Variants in RBFOX2 observed in about 807,000 individuals in gnomAD.
RBFOX2 encodes the protein RNA binding fox-1 homolog 2, also known as RNA binding protein fox-1 homolog 2.
A neutral mutation model predicts 49.1 loss-of-function variants in RBFOX2; 10 were observed. The ratio of observed to expected loss-of-function variants is 0.20; its 90% CI spans 0.13 to 0.35. RBFOX2 has a LOEUF of 0.35. Among genes scored for constraint, RBFOX2 ranks in the 10% least tolerant of loss-of-function variants. RBFOX2 has a pLI of 1.00. For synonymous variants in RBFOX2, 183 were observed against 187.4 expected, an observed-to-expected ratio of 0.98 and a Z score of 0.19; for missense variants, 323 against 486.9, an observed-to-expected ratio of 0.66 and a Z score of 3.17.
intron 11 of RBFOX2, among the ~76,000 whole-genome samples, chr22:35,745,108 C>G (rs149612155): frequency 1.3e-5 from 2 of 152,218 alleles, no homozygotes; most frequent in Non-Finnish European, 1.5e-5. Context: ...TGAGAAGTAG[C>G]TTTCTCATAT....
At chr22:35,835,264 C>T (rs1374473581) in intron 1 of RBFOX2, among the ~76,000 whole-genome samples, 5 of 151,972 alleles carry the variant, frequency 3.3e-5, no homozygotes, top group Non-Finnish European at 7.4e-5. Context: ...TGTCAGATCC[C>T]GGAGAGGAAT....
intron 1 of RBFOX2, among the ~76,000 whole-genome samples, chr22:35,973,045 G>A (rs1314646551): frequency 6.6e-6 from 1 of 152,078 alleles, no homozygotes; most frequent in Non-Finnish European, 1.5e-5. Flanking sequence ...GAAGGCCAGA[G>A]TCAAATACAA....
At chr22:35,981,189 G>T (rs1054615841) in intron 1 of RBFOX2, among the ~76,000 whole-genome samples, 1 of 152,110 alleles carries the variant, frequency 6.6e-6, no homozygotes, top group African/African-American at 2.4e-5. Context: ...GATTGAGCAA[G>T]GTCCCACAAC....
At chr22:35,915,413 C>T (rs961065694) in intron 1 of RBFOX2, among the ~76,000 whole-genome samples, 6 of 152,174 alleles carry the variant, frequency 3.9e-5, no homozygotes, top group African/African-American at 1.4e-4. Context: ...TCTTATTACC[C>T]CAAACAACTC....
chr22:35,755,117 G>C (rs1936473283), intron 9 of RBFOX2, among the ~76,000 whole-genome samples: 1 of 152,200 alleles, frequency 6.6e-6, no homozygotes, highest in Non-Finnish European at 1.5e-5. Context: ...ATTGATTTTG[G>C]AAAGTAAGGG....
At chr22:35,905,595 T>G (rs2049036827) in intron 1 of RBFOX2, among the ~76,000 whole-genome samples, 1 of 152,186 alleles carries the variant, frequency 6.6e-6, no homozygotes, top group African/African-American at 2.4e-5. Context: ...AAGAGAAATA[T>G]TCTGCACAAA....
At chr22:35,927,187 G>A (rs919545158) in intron 1 of RBFOX2, among the ~76,000 whole-genome samples, 3 of 152,188 alleles carry the variant, frequency 2.0e-5, no homozygotes, top group African/African-American at 7.2e-5. Context: ...ATTAAGTTGT[G>A]AACAAGGATC....
intron 1 of RBFOX2, among the ~76,000 whole-genome samples, chr22:36,014,567 T>C (rs906397256): frequency 6.6e-6 from 1 of 152,008 alleles, no homozygotes; most frequent in African/African-American, 2.4e-5. Flanking sequence ...CTTCTAACAC[T>C]GCAAAAAATA....
chr22:35,756,613 G>C (rs1937028153), intron 9 of RBFOX2, among the ~76,000 whole-genome samples: 1 of 152,086 alleles, frequency 6.6e-6, no homozygotes, highest in African/African-American at 2.4e-5. Flanking sequence ...CTAGGGCAGG[G>C]CCTGTATGCA....
chr22:35,931,839 T>C (rs1603450242), intron 1 of RBFOX2, among the ~76,000 whole-genome samples: 2 of 152,294 alleles, frequency 1.3e-5, no homozygotes, highest in African/African-American at 2.4e-5. Context: ...ATTAGAACAA[T>C]GTTTTTCAAA....
chr22:36,005,186 T>C (rs140408867), intron 1 of RBFOX2, among the ~76,000 whole-genome samples: 3 of 152,302 alleles, frequency 2.0e-5, no homozygotes, highest in African/African-American at 7.2e-5. Context: ...TATTCTACAA[T>C]ACTAAGCAAC....
rs556726404 is a variant in RBFOX2 at position 36,007,684 on chromosome 22, G to A, written c.186+20556C>T. 9.9e-5 allele frequency among the ~76,000 whole-genome samples: 15 copies of A among 152,086 alleles called. 1 individual carries two copies. The South Asian group carries it at 2.7e-3, about 27-fold the overall frequency. On this transcript the variant is annotated intron_variant, in intron 1 of 13. Coordinates refer to the RBFOX2 transcript ENST00000438146. ...TTCCTCTGTCTCTCAATGCTCCTCC[G>A]AGGAGGCAACCGCTGGGGAGTCTTG...
At chr22:35,772,065 G>A (rs546398903) in intron 4 of RBFOX2, among the ~76,000 whole-genome samples, 53 of 152,020 alleles carry the variant, frequency 3.5e-4, no homozygotes, top group Non-Finnish European at 5.7e-4. Flanking sequence ...AGTCTACACC[G>A]GTATAATATA....
upstream of RBFOX2, among the ~76,000 whole-genome samples, chr22:35,965,176 G>A (rs1415707488): frequency 6.6e-6 from 1 of 152,184 alleles, no homozygotes; most frequent in Non-Finnish European, 1.5e-5. Flanking sequence ...AAGTAAATGA[G>A]GAAGGTAAGA....
chr22:35,807,577 A>T (rs747609449), intron 2 of RBFOX2, among the ~76,000 whole-genome samples: 5 of 152,004 alleles, frequency 3.3e-5, no homozygotes, highest in Non-Finnish European at 7.4e-5. Flanking sequence ...TATAGATCAT[A>T]TTTTACGGTA....
intron 1 of RBFOX2, among the ~76,000 whole-genome samples, chr22:35,902,783 T>C (rs1326900456): frequency 6.7e-6 from 1 of 148,194 alleles, no homozygotes; most frequent in Non-Finnish European, 1.5e-5. Flanking sequence ...TGGCTGGAAC[T>C]ACATGCACAT....
At chr22:35,856,756 G>C (rs1486151597) in intron 1 of RBFOX2, among the ~76,000 whole-genome samples, 2 of 152,106 alleles carry the variant, frequency 1.3e-5, no homozygotes, top group East Asian at 3.8e-4. Flanking sequence ...CACTGGGCCA[G>C]GCACGGTGGC....
chr22:35,999,986 TA>T (rs2058344184), intron 1 of RBFOX2: 2 of 107,002 alleles, frequency 1.9e-5, no homozygotes, highest in Non-Finnish European at 4.0e-5. Flanking sequence ...ATAAAAGTTA[TA>T]TATATATATA....
chr22:35,950,644 T>C (rs1323423417), intron 1 of RBFOX2, among the ~76,000 whole-genome samples: 2 of 152,120 alleles, frequency 1.3e-5, no homozygotes, highest in African/African-American at 4.8e-5. Context: ...CTGGTATAAG[T>C]CCATAGGGAC....
Sources: allele counts gnomAD v4.1 joint callset (sites outside exome capture counted in the v4.1 genomes callset), GRCh38; gene constraint gnomAD v4.1.1; transcripts MANE v1.5; gene names NCBI Gene and HGNC (gene_info 2026-07-23, HGNC 2026-07-21).